SERPINA7: variants seen among roughly 807,000 people sequenced by gnomAD.
SERPINA7 encodes the protein thyroxine-binding globulin.
In SERPINA7, 14 loss-of-function variants were observed where a neutral mutation model predicts 16.0. The observed-to-expected ratio is 0.88, with a 90% confidence interval of 0.58 to 1.37. The LOEUF is 1.37. Among genes scored for constraint, SERPINA7 ranks in the 40% most tolerant of loss-of-function variants. The probability of loss-of-function intolerance (pLI) is 0.00; values close to 1 mark genes in which losing one functional copy is unlikely to be tolerated. For missense variants in SERPINA7, 335 were observed against 296.6 expected, an observed-to-expected ratio of 1.13 and a Z score of -0.95; for synonymous variants, 140 against 111.0, an observed-to-expected ratio of 1.26 and a Z score of -1.65.
At position 106,033,649 on chromosome X, in the gene SERPINA7, C is replaced by G. The variant is rs1350842116; in HGVS notation, c.1099G>C (p.Val367Leu). ...TGATCCGAAAGTTCAACTTCAGGGA[C>G]AGCTGCAGCTTCAGTTCCCTTTTCA... ...IGEKGTEAAAVPEVELSDQPE... is the reference protein window; with the variant it reads ...IGEKGTEAAALPEVELSDQPE... The change falls in exon 5 of 5, where the codon GTC becomes CTC. Residue 367 changes from valine (V) to leucine (L), a missense_variant. Coordinates refer to ENST00000372563, the MANE Select transcript of SERPINA7 (RefSeq NM_000354.6). 1 of 1,211,411 alleles carries G rather than the reference C, an allele frequency of 8.3e-7. No homozygotes were observed. The highest frequency in any genetic ancestry group is 1.7e-5 in the African/African-American group (1 of 57,752).
In SERPINA7 at chrX:106,033,541, T is replaced by C. The variant is rs755468591; in HGVS notation, c.1207A>G (p.Ile403Val). 8.6e-5 allele frequency: 104 copies of C among 1,209,580 alleles called. No homozygotes were observed. Among genetic ancestry groups the C allele is most frequent in the Middle Eastern group, 4.6e-4 (2 of 4,371 alleles). Reference protein sequence around the residue: ...LLILERSTRSILFLGKVVNPT... With the variant: ...LLILERSTRSVLFLGKVVNPT... ...TTCACAACTTTCCCTAGAAAGAGAA[T>C]ACTCCTTGTGCTTCTCTCCAAAATC... Residue 403 changes from isoleucine to valine, a missense_variant, in exon 5 of 5, where the codon ATT (isoleucine) becomes GTT (valine). Transcript: ENST00000372563.
At chrX:106,036,396 A>G (rs2147842374) in intron 2 of SERPINA7, 41 bp downstream of exon 2, 1 of 1,201,350 alleles carries the variant, frequency 8.3e-7, no homozygotes, top group Non-Finnish European at 1.1e-6. Flanking sequence ...CCACCCAAGT[A>G]TCTGAGCCCT....
In SERPINA7 at chrX:106,033,100, T is replaced by C. The variant is rs1303703534; in HGVS notation, c.*400A>G. ...GTTGAGAAGTTCACATATAAGACAA[T>C]GCATCTGCATTGTTTTATGTCCATT... On this transcript the variant is annotated 3_prime_UTR_variant, in exon 5 of 5. Transcript: ENST00000372563. 4.8e-6 allele frequency: 1 copy of C among 208,002 alleles called. No homozygotes were observed. Among genetic ancestry groups the C allele is most frequent in the Non-Finnish European group, 8.7e-6 (1 of 114,413 alleles). 17.1% of individuals were successfully genotyped at this position (208,002 alleles called of 1,213,427 possible). A position where few individuals can be genotyped will look rare whatever the true frequency, so the allele number is the denominator to read the frequency against.
At position 106,033,523 on chromosome X, in the gene SERPINA7, C is replaced by T. The variant is rs774247174; in HGVS notation, c.1225G>A (p.Val409Ile). 5 of 1,211,748 alleles carry T rather than the reference C, an allele frequency of 4.1e-6. No individual in the cohort carries two copies. Among genetic ancestry groups the T allele is most frequent in the Non-Finnish European group, 5.6e-6 (5 of 895,276 alleles). The change falls in exon 5 of 5, where the codon GTT (valine) becomes ATT (isoleucine). Residue 409 changes from valine (V) to isoleucine (I), a missense_variant. Physicochemically the swap from Val to Ile is conservative, Grantham distance 29 (BLOSUM62 3). Transcript: ENST00000372563. ...STRSILFLGK[V>I]VNPTEA ...AACTACGCTTCCGTTGGGTTCACAA[C>T]TTTCCCTAGAAAGAGAATACTCCTT...
chrX:106,034,967 C>G, intron 3 of SERPINA7, 145 bp downstream of exon 3: 3 of 710,678 alleles, frequency 4.2e-6, no homozygotes, highest in Non-Finnish European at 6.8e-6. Context: ...GCCTGGTAGA[C>G]AGTATTTTCT....
intron 4 of SERPINA7, 117 bp downstream of exon 4, chrX:106,034,118 G>A (rs1457749037): frequency 1.1e-5 from 8 of 712,116 alleles, no homozygotes; most frequent in Non-Finnish European, 1.7e-5. Flanking sequence ...CTTAGGAGGA[G>A]TCACACCGCC....
Position 106,034,226 on chromosome X carries a change from T to C in SERPINA7, c.1044+9A>G. ...TCATACATTTAAGAACTCTAGTTTATCAACTTACATTGGAAAGTTTCAGAC... is the reference window on the plus strand; with the variant it reads ...TCATACATTTAAGAACTCTAGTTTACCAACTTACATTGGAAAGTTTCAGAC... On this transcript the variant is annotated intron_variant, in intron 4 of 4. Coordinates refer to ENST00000372563, the MANE Select transcript of SERPINA7 (RefSeq NM_000354.6). 9.9e-6 allele frequency: 12 copies of C among 1,208,263 alleles called. No homozygotes were observed. Among genetic ancestry groups the C allele is most frequent in the Non-Finnish European group, 1.3e-5 (12 of 892,457 alleles).
intron 2 of SERPINA7, 42 bp downstream of exon 2, chrX:106,036,395 T>G (rs758052062): frequency 6.7e-6 from 8 of 1,200,065 alleles, no homozygotes; most frequent in Non-Finnish European, 9.0e-6. Context: ...TCCACCCAAG[T>G]ATCTGAGCCC....
rs1046680895 is a variant in SERPINA7 at position 106,036,322 on chromosome X, C to T, written c.622+115G>A. The T allele has an allele frequency of 5.2e-6, 4 of 764,770 alleles. No individual in the cohort carries two copies. The African/African-American group carries it at 8.3e-5, about 16-fold the overall frequency. 63.0% of individuals were successfully genotyped at this position (764,770 alleles called of 1,213,427 possible). Reference sequence around the variant, plus strand: ...CACAGCTATGTCCAGTGGAGCAGATCACTGTGGTATGAGGGACACCTACTG... The same window carrying T: ...CACAGCTATGTCCAGTGGAGCAGATTACTGTGGTATGAGGGACACCTACTG... On this transcript the variant is annotated intron_variant, in intron 2 of 4. Transcript: ENST00000372563.
At chrX:106,037,812 C>T (rs2041463380) in intron 1 of SERPINA7, among the ~76,000 whole-genome samples, 1 of 111,860 alleles carries the variant, frequency 8.9e-6, no homozygotes, top group Non-Finnish European at 1.9e-5. Context: ...ATTATTCTTA[C>T]ACCTATGCAT....
intron 1 of SERPINA7, among the ~76,000 whole-genome samples, chrX:106,038,119 G>A (rs1383324522): frequency 1.8e-5 from 2 of 111,337 alleles, no homozygotes; most frequent in African/African-American, 3.3e-5. Flanking sequence ...TAACCACCAG[G>A]ATGGTCCACA....
At position 106,032,938 on chromosome X, in the gene SERPINA7, C is replaced by G. The variant is rs2041418700; in HGVS notation, c.*562G>C. On this transcript the variant is annotated 3_prime_UTR_variant, in exon 5 of 5. Transcript: ENST00000372563. ...GCAAGTTTATCTCTTGCTGTATTGT[C>G]CCATGCTTGTTCAGTAACTTGTTCA... 1 of 120,392 alleles carries G rather than the reference C, an allele frequency of 8.3e-6. No homozygotes were observed. The highest frequency in any genetic ancestry group is 3.3e-5 in the African/African-American group (1 of 30,608). 9.9% of individuals were successfully genotyped at this position (120,392 alleles called of 1,213,427 possible).
In SERPINA7 at chrX:106,036,860, A is replaced by T; in HGVS notation, c.199T>A (p.Phe67Ile). 1 of 1,211,102 alleles carries T rather than the reference A, an allele frequency of 8.3e-7. No homozygotes were observed. ...GCAGAAATGCTCACAGGGGAAAAGAAGATGTTCTTATCTGGGGTCTCCACA... is the reference window on the plus strand; with the variant it reads ...GCAGAAATGCTCACAGGGGAAAAGATGATGTTCTTATCTGGGGTCTCCACA... ...FTVETPDKNI[F>I]FSPVSISAAL... is the part of the protein sequence containing the mutation. The change falls in exon 2 of 5, where the codon TTC becomes ATC. Residue 67 changes from phenylalanine (F) to isoleucine (I), a missense_variant. Transcript: ENST00000372563.
At chrX:106,035,497 C>T (rs1440495999) in intron 2 of SERPINA7, 112 bp from the exon 3 acceptor site, 2 of 762,134 alleles carry the variant, frequency 2.6e-6, no homozygotes, top group African/African-American at 4.1e-5. Context: ...GAGTTAGGTA[C>T]CTACAGTCAA....
intron 1 of SERPINA7, among the ~76,000 whole-genome samples, chrX:106,037,816 T>C (rs905251032): frequency 1.8e-5 from 2 of 112,088 alleles, no homozygotes; most frequent in Non-Finnish European, 3.8e-5. Context: ...TTCTTACACC[T>C]ATGCATGTTA....
chrX:106,033,273 T>A lies in SERPINA7; in HGVS notation c.*227A>T. On this transcript the variant is annotated 3_prime_UTR_variant, in exon 5 of 5. Transcript: ENST00000372563. ...TCTGACAAAGAGAAATATACAAACA[T>A]AGAGCCTTCCTATGCTTTGGATAAT... The A allele has an allele frequency of 2.3e-6, 1 of 426,956 alleles. No individual in the cohort carries two copies. The highest frequency in any genetic ancestry group is 4.1e-6 in the Non-Finnish European group (1 of 243,671). 35.2% of individuals were successfully genotyped at this position (426,956 alleles called of 1,213,427 possible). A position where few individuals can be genotyped will look rare whatever the true frequency, so the allele number is the denominator to read the frequency against.
chrX:106,036,285 T>C, intron 2 of SERPINA7, 152 bp downstream of exon 2: 2 of 628,018 alleles, frequency 3.2e-6, no homozygotes, highest in Non-Finnish European at 2.5e-6. Context: ...TCTTGGAAGA[T>C]CCAATACTAT....
In SERPINA7 at chrX:106,035,163, G is replaced by T. The variant is rs1223926237; in HGVS notation, c.845C>A (p.Ala282Asp). The T allele has an allele frequency of 8.3e-7, 1 of 1,209,811 alleles. No individual in the cohort carries two copies. Among genetic ancestry groups the T allele is most frequent in the Non-Finnish European group, 1.1e-6 (1 of 894,950 alleles). Residue 282 changes from alanine to aspartate, a missense_variant, in exon 3 of 5, where the codon GCT (alanine) becomes GAT (aspartate). Physicochemically the swap from Ala to Asp is moderately radical, Grantham distance 126 (BLOSUM62 -2). Transcript: ENST00000372563. ...CTTCAGTGTTTTAGATGACATGGCAGCTTCCACTGACTCCATCTGTCCCTC... is the reference window on the plus strand; with the variant it reads ...CTTCAGTGTTTTAGATGACATGGCATCTTCCACTGACTCCATCTGTCCCTC... ...PKEGQMESVE[A>D]AMSSKTLKKW...
intron 4 of SERPINA7, 124 bp downstream of exon 4, chrX:106,034,111 A>G: frequency 1.5e-6 from 1 of 652,948 alleles, no homozygotes. Context: ...ATTCTAGCTT[A>G]GGAGGAGTCA....
Sources: gnomAD v4.1 joint callset for allele counts (sites outside exome capture counted in the v4.1 genomes callset) on GRCh38, gnomAD v4.1.1 for gene constraint, MANE v1.5 for transcripts, NCBI Gene and HGNC (gene_info 2026-07-23, HGNC 2026-07-21) for gene names.